The following VIT variants were observed in gnomAD, a reference collection of about 807,000 sequenced individuals.
VIT encodes the protein vitrin.
A neutral mutation model predicts 78.0 loss-of-function variants in VIT; 99 were observed. The observed-to-expected ratio is 1.27, with a 90% CI of 1.08 to 1.50. The LOEUF is 1.50. VIT is among the 40% of genes most tolerant of loss of function. VIT has a pLI of 0.00. For synonymous variants in VIT, 374 were observed against 334.3 expected, an observed-to-expected ratio of 1.12 and a Z score of -1.29; for missense variants, 1,126 against 875.3, an observed-to-expected ratio of 1.29 and a Z score of -3.61.
In VIT at chr2:36,814,265, C is replaced by T; in HGVS notation, c.1986C>T (p.His662=). ...TTGCCACTCACCCCGCCAGAGACCA[C>T]TCCTTCTTTGTGGACGAGTTTGACA... is the stretch of plus-strand genomic sequence containing the variant. The part of the protein sequence containing the change: ...EVIATHPARD[H]SFFVDEFDNL... Residue 662 remains histidine, a synonymous_variant, in exon 16 of 16, where the codon CAC becomes CAT. Coordinates refer to ENST00000379242, the MANE Select transcript of VIT (RefSeq NM_053276.4). 2 of 1,614,254 alleles carry T rather than the reference C, an allele frequency of 1.2e-6. No homozygotes were observed. Among genetic ancestry groups the T allele is most frequent in the Non-Finnish European group, 1.7e-6 (2 of 1,180,044 alleles).
In VIT at chr2:36,743,157, T is replaced by C. The variant is rs780328161; in HGVS notation, c.176T>C (p.Ile59Thr). 6 of 1,614,076 alleles carry C rather than the reference T, an allele frequency of 3.7e-6. No homozygotes were observed. In the South Asian group the frequency reaches 5.5e-5, roughly 15 times the overall value. Residue 59 changes from isoleucine (I) to threonine (T), a missense_variant, in exon 4 of 16, where the codon ATT becomes ACT. Physicochemically the swap from Ile to Thr is moderately conservative, Grantham distance 89 (BLOSUM62 -1). Transcript: ENST00000379242. Reference sequence around the variant, plus strand: ...GGAAAGATCATCGATCCTGAGTTCATTGTGAAATGTCCAGCAGGATGCCAA... The same window carrying C: ...GGAAAGATCATCGATCCTGAGTTCACTGTGAAATGTCCAGCAGGATGCCAA... ...KAGKIIDPEFIVKCPAGCQDP... is the reference protein window; with the variant it reads ...KAGKIIDPEFTVKCPAGCQDP...
At chr2:36,802,457 C>T (rs1253468042) in intron 13 of VIT, among the ~76,000 whole-genome samples, 2 of 152,130 alleles carry the variant, frequency 1.3e-5, no homozygotes, top group South Asian at 2.1e-4. Context: ...ACAGTAAATC[C>T]GATTAAAGAT....
At chr2:36,724,181 G>C (rs1666695910) in intron 2 of VIT, among the ~76,000 whole-genome samples, 1 of 152,070 alleles carries the variant, frequency 6.6e-6, no homozygotes, top group Non-Finnish European at 1.5e-5. Flanking sequence ...ACCATGCCTG[G>C]CTAATTTTTG....
chr2:36,802,288 G>A (rs1265351093), intron 13 of VIT, among the ~76,000 whole-genome samples: 2 of 152,202 alleles, frequency 1.3e-5, no homozygotes, highest in African/African-American at 4.8e-5. Context: ...ATTTGTAAAT[G>A]AAAGATTGGC....
chr2:36,783,284 A>G, intron 10 of VIT, 56 bp from the exon 11 acceptor site: 1 of 1,589,186 alleles, frequency 6.3e-7, no homozygotes, highest in Non-Finnish European at 8.6e-7. Flanking sequence ...CCCATGGGGT[A>G]AGGCCAGCTG....
At chr2:36,788,098 C>G (rs927145849) in intron 12 of VIT, 2 of 259,694 alleles carry the variant, frequency 7.7e-6, no homozygotes, top group Non-Finnish European at 1.5e-5. Context: ...AAATAGGTAG[C>G]CTTTTGACCA....
chr2:36,725,409 C>A (rs1283593769), intron 2 of VIT, among the ~76,000 whole-genome samples: 4 of 152,060 alleles, frequency 2.6e-5, no homozygotes, highest in Non-Finnish European at 5.9e-5. Flanking sequence ...CTTCCTGGTT[C>A]CTAGAGAGGC....
chr2:36,762,800 A>G (rs369808540), intron 6 of VIT, among the ~76,000 whole-genome samples: 2 of 152,256 alleles, frequency 1.3e-5, no homozygotes, highest in East Asian at 3.9e-4. Context: ...ACCTTCTACC[A>G]TGGGAAATTA....
chr2:36,713,870 A>G (rs1458155542), intron 1 of VIT, among the ~76,000 whole-genome samples: 4 of 152,234 alleles, frequency 2.6e-5, no homozygotes, highest in South Asian at 4.1e-4. Flanking sequence ...CATTTATCCA[A>G]TAGGAAAGTT....
intron 12 of VIT, among the ~76,000 whole-genome samples, chr2:36,801,077 G>T (rs1332147244): frequency 6.6e-6 from 1 of 152,188 alleles, no homozygotes; most frequent in Admixed American, 6.5e-5. Flanking sequence ...GTCTCCTCAA[G>T]ATCACACAGC....
chr2:36,757,081 T>A (rs1196655936), intron 5 of VIT, among the ~76,000 whole-genome samples: 1 of 152,212 alleles, frequency 6.6e-6, no homozygotes, highest in Non-Finnish European at 1.5e-5. Context: ...CTCTCTCGAA[T>A]GGATGAGTTA....
At chr2:36,812,199 G>A (rs999359072) in intron 15 of VIT, among the ~76,000 whole-genome samples, 21 of 152,130 alleles carry the variant, frequency 1.4e-4, no homozygotes, top group Non-Finnish European at 5.9e-5. Context: ...CAGCTTAAAT[G>A]CAATTTAATG....
chr2:36,813,785 T>C (rs1016129036), intron 15 of VIT, among the ~76,000 whole-genome samples: 2 of 152,200 alleles, frequency 1.3e-5, no homozygotes, highest in Non-Finnish European at 2.9e-5. Flanking sequence ...CAGGCATGTG[T>C]CATGTATTCT....
rs573979417 is a variant in VIT at position 36,728,072 on chromosome 2, G to T, written c.53-1354G>T. 5.9e-5 allele frequency among the ~76,000 whole-genome samples: 9 copies of T among 152,170 alleles called. No homozygotes were observed. In the South Asian group the frequency reaches 1.9e-3, roughly 32 times the overall value. ...GCCTCCCAAGTAGCTGGAATTACAG[G>T]CGTGTGCCACCACTCCCAGCTAATA... On this transcript the variant is annotated intron_variant, in intron 2 of 15. Coordinates refer to ENST00000379242, the MANE Select transcript of VIT (RefSeq NM_053276.4).
Position 36,809,810 on chromosome 2 carries a change from C to T in VIT, c.1903+825C>T, listed in dbSNP as rs144241690. On this transcript the variant is annotated intron_variant, in intron 15 of 15. Transcript: ENST00000379242. ...CCAGATTCGTGGGGCTTCAGGGAAA[C>T]CTGAAAGGAATTTCGATTCAAAATA... Among the ~76,000 whole-genome samples the T allele has an allele frequency of 3.3e-4, 50 of 151,792 alleles. 1 individual carries two copies. Among genetic ancestry groups the T allele is most frequent in the African/African-American group, 1.1e-3 (47 of 41,122 alleles).
chr2:36,739,905 GA>G (rs1420689500), intron 3 of VIT, among the ~76,000 whole-genome samples: 1 of 152,190 alleles, frequency 6.6e-6, no homozygotes, highest in Non-Finnish European at 1.5e-5. Flanking sequence ...GGAAGGAATG[GA>G]AGAGGCTTTT....
chr2:36,801,504 A>G, intron 13 of VIT, 100 bp downstream of exon 13: 2 of 1,111,308 alleles, frequency 1.8e-6, no homozygotes, highest in Non-Finnish European at 2.6e-6. Flanking sequence ...AAATAATAAT[A>G]ATCCGTCAAG....
intron 12 of VIT, among the ~76,000 whole-genome samples, chr2:36,800,462 A>G (rs1052890401): frequency 6.6e-6 from 1 of 152,332 alleles, no homozygotes; most frequent in East Asian, 1.9e-4. Flanking sequence ...GCAGAGCACT[A>G]TGCCAAGCCT....
chr2:36,727,731 G>A (rs1428876420), intron 2 of VIT, among the ~76,000 whole-genome samples: 1 of 152,216 alleles, frequency 6.6e-6, no homozygotes, highest in Non-Finnish European at 1.5e-5. Flanking sequence ...TAATGGAGAT[G>A]AAAAATTCCT....
Sources: gnomAD v4.1 joint callset for allele counts (sites outside exome capture counted in the v4.1 genomes callset) on GRCh38, gnomAD v4.1.1 for gene constraint, MANE v1.5 for transcripts, NCBI Gene and HGNC (gene_info 2026-07-23, HGNC 2026-07-21) for gene names.